PCDH15: variants seen among roughly 807,000 people sequenced by gnomAD.
The protein encoded by PCDH15 is protocadherin related 15, also known as protocadherin-15.
PCDH15 carries 129 observed loss-of-function variants against 178.5 expected under a neutral mutation model. The ratio of observed to expected loss-of-function variants is 0.72; its 90% CI spans 0.63 to 0.84. The LOEUF is 0.84. Ranked by LOEUF, PCDH15 falls within the 40% of genes least tolerant of loss-of-function variation. The probability of loss-of-function intolerance (pLI) is 0.00; values close to 1 mark genes in which losing one functional copy is unlikely to be tolerated. For synonymous variants in PCDH15, 800 were observed against 732.0 expected (o/e 1.09, Z -1.50); for missense variants, 2,230 against 2,099.9 (o/e 1.06, Z -1.21).
chr10:55,361,075 G>A lies in PCDH15; in HGVS notation c.-155-194424C>T, dbSNP rs184381790. 1.7e-3 allele frequency among the ~76,000 whole-genome samples: 253 copies of A among 152,000 alleles called. 2 individuals are homozygous for A. The highest frequency in any genetic ancestry group is 5.9e-3 in the African/African-American group (243 of 41,518). On this transcript the variant is annotated intron_variant, in intron 2 of 5. Coordinates refer to the PCDH15 transcript ENST00000613346. ...CATGAATGAATCCCCAAAGTGTGTT[G>A]AGTAAAATAAGCCACTCACAAAAGA...
chr10:55,466,460 C>T (rs1415390986), intron 2 of PCDH15, among the ~76,000 whole-genome samples: 1 of 152,080 alleles, frequency 6.6e-6, no homozygotes, highest in East Asian at 1.9e-4. Context: ...ACATATTAAA[C>T]ACTTTCAGCG....
chr10:53,993,657 A>T (rs577725557), intron 21 of PCDH15, among the ~76,000 whole-genome samples: 18 of 150,350 alleles, frequency 1.2e-4, no homozygotes, highest in African/African-American at 3.3e-4. Flanking sequence ...CATAACATTT[A>T]AAAAAAAGTA....
At chr10:54,719,840 C>T (rs966406038) in intron 1 of PCDH15, among the ~76,000 whole-genome samples, 15 of 151,132 alleles carry the variant, frequency 9.9e-5, no homozygotes, top group African/African-American at 3.7e-4. Context: ...ATCCATGTTC[C>T]TCCAAATGAC....
At chr10:55,484,762 G>A (rs572679312) in intron 2 of PCDH15, among the ~76,000 whole-genome samples, 1 of 151,590 alleles carries the variant, frequency 6.6e-6, no homozygotes, top group Non-Finnish European at 1.5e-5. Context: ...TTTGCCAAAG[G>A]CACCAAGAAC....
At chr10:54,746,560 AT>A (rs1945485922) in intron 1 of PCDH15, among the ~76,000 whole-genome samples, 1 of 152,186 alleles carries the variant, frequency 6.6e-6, no homozygotes, top group African/African-American at 2.4e-5. Context: ...TTATGTCTGT[AT>A]CAAAATATCT....
intron 2 of PCDH15, among the ~76,000 whole-genome samples, chr10:55,068,896 T>C (rs1841640376): frequency 6.6e-6 from 1 of 151,928 alleles, no homozygotes; most frequent in South Asian, 2.1e-4. Flanking sequence ...TCTGCTCCTT[T>C]TTTGGTTATT....
At chr10:55,341,068 C>T (rs1050306702) in intron 2 of PCDH15, among the ~76,000 whole-genome samples, 3 of 151,746 alleles carry the variant, frequency 2.0e-5, no homozygotes, top group South Asian at 2.1e-4. Flanking sequence ...CACATCAAAG[C>T]TCTTAGTAGT....
intron 1 of PCDH15, among the ~76,000 whole-genome samples, chr10:54,707,204 AG>A (rs1198643678): frequency 6.6e-6 from 1 of 152,156 alleles, no homozygotes; most frequent in East Asian, 1.9e-4. Context: ...GCCCCAAAGA[AG>A]GGTCAGAGAA....
At chr10:54,741,391 T>G (rs1464595496) in intron 1 of PCDH15, among the ~76,000 whole-genome samples, 1 of 151,900 alleles carries the variant, frequency 6.6e-6, no homozygotes, top group Admixed American at 6.6e-5. Context: ...AATTTTTCAT[T>G]TACAGATGAG....
At chr10:54,447,969 C>T (rs1386580835) in intron 3 of PCDH15, among the ~76,000 whole-genome samples, 1 of 151,412 alleles carries the variant, frequency 6.6e-6, no homozygotes. Context: ...TTTTTTTCTA[C>T]AGATATCCCA....
chr10:55,580,659 G>T (rs756305503), intron 2 of PCDH15, among the ~76,000 whole-genome samples: 1 of 152,060 alleles, frequency 6.6e-6, no homozygotes, highest in African/African-American at 2.4e-5. Context: ...CACAGCGCCC[G>T]GCCATTACGA....
intron 1 of PCDH15, among the ~76,000 whole-genome samples, chr10:54,667,972 T>C (rs548390416): frequency 6.6e-6 from 1 of 152,130 alleles, no homozygotes; most frequent in African/African-American, 2.4e-5. Context: ...TTGCATTCCA[T>C]GTGCATTTTA....
chr10:55,469,246 T>A (rs181375623), intron 2 of PCDH15: 1 of 152,150 alleles, frequency 6.6e-6, no homozygotes, highest in Non-Finnish European at 1.5e-5. Context: ...AACACCTGTA[T>A]TGAAAATTTA....
At chr10:55,316,912 CCAG>C (rs1437529166) in intron 1 of PCDH15, among the ~76,000 whole-genome samples, 18 of 152,130 alleles carry the variant, frequency 1.2e-4, no homozygotes, top group Admixed American at 1.3e-4. Flanking sequence ...GAGCTTTCCC[CCAG>C]CACTAGACTC....
intron 2 of PCDH15, among the ~76,000 whole-genome samples, chr10:54,903,993 T>A (rs1954680799): frequency 6.6e-6 from 1 of 152,062 alleles, no homozygotes; most frequent in Non-Finnish European, 1.5e-5. Context: ...ATGGCACAAA[T>A]AACTGCCTTT....
intron 8 of PCDH15, among the ~76,000 whole-genome samples, chr10:54,254,858 C>T (rs546817456): frequency 7.3e-4 from 111 of 152,218 alleles, no homozygotes; most frequent in African/African-American, 2.4e-3. Flanking sequence ...ATTTGCCCAC[C>T]GGGTCTCTGG....
chr10:55,056,310 T>C (rs1841301696), intron 2 of PCDH15, among the ~76,000 whole-genome samples: 1 of 152,146 alleles, frequency 6.6e-6, no homozygotes, highest in South Asian at 2.1e-4. Flanking sequence ...CATCTCAAAA[T>C]ACTCTCTCGC....
intron 25 of PCDH15, among the ~76,000 whole-genome samples, chr10:53,924,014 C>T (rs1176859217): frequency 6.6e-6 from 1 of 151,852 alleles, no homozygotes; most frequent in Non-Finnish European, 1.5e-5. Context: ...AGGTTACAGC[C>T]TGCTGGCAGC....
intron 2 of PCDH15, among the ~76,000 whole-genome samples, chr10:55,594,322 GT>G: frequency 6.6e-6 from 1 of 151,890 alleles, no homozygotes; most frequent in East Asian, 1.9e-4. Flanking sequence ...ACATTTTAGA[GT>G]TGTTTGATGC....
Sources: gnomAD v4.1 joint callset for allele counts (sites outside exome capture counted in the v4.1 genomes callset) on GRCh38, gnomAD v4.1.1 for gene constraint, MANE v1.5 for transcripts, NCBI Gene and HGNC (gene_info 2026-07-23, HGNC 2026-07-21) for gene names.